LAMA3: variants seen among roughly 807,000 people sequenced by gnomAD.
LAMA3 encodes laminin subunit alpha-3.
Under a neutral mutation model 402.0 loss-of-function variants are expected in LAMA3, and 281 were observed. That is an observed-to-expected ratio of 0.70 (90% confidence interval 0.63 to 0.77). The LOEUF (loss-of-function observed/expected upper bound fraction) is 0.77, where lower values mean the gene tolerates loss of function less well. Among genes scored for constraint, LAMA3 ranks in the 30% least tolerant of loss-of-function variants. The probability of loss-of-function intolerance (pLI) is 0.00; values close to 1 mark genes in which losing one functional copy is unlikely to be tolerated. For missense variants in LAMA3, 3,840 were observed against 4,215.5 expected (o/e 0.91, Z 2.47); for synonymous variants, 1,431 against 1,558.4 (o/e 0.92, Z 1.93).
At chr18:23,815,386 A>G in intron 16 of LAMA3, 82 bp from the exon 17 acceptor site, 1 of 1,379,016 alleles carries the variant, frequency 7.3e-7, no homozygotes, top group South Asian at 1.2e-5. Flanking sequence ...TTCCTATTAT[A>G]CAGTGAGGCA....
chr18:23,891,724 A>G (rs895754873), intron 42 of LAMA3, among the ~76,000 whole-genome samples: 1 of 152,212 alleles, frequency 6.6e-6, no homozygotes, highest in African/African-American at 2.4e-5. Flanking sequence ...CAGGAGGTGT[A>G]AAAAAGCTTA....
Position 23,840,385 on chromosome 18 carries a change from T to C in LAMA3, c.3336+456T>C, listed in dbSNP as rs573115700. Among the ~76,000 whole-genome samples, 38 of 147,074 alleles carry C rather than the reference T, an allele frequency of 2.6e-4. 1 individual carries two copies. The South Asian group carries it at 3.1e-3, about 12-fold the overall frequency. Reference sequence around the variant, plus strand: ...TGTAGCCAAGAACCTTTCTTTCTTTTTTTTTTTTTTTTTTTGAGACAGATT... The same window carrying C: ...TGTAGCCAAGAACCTTTCTTTCTTTCTTTTTTTTTTTTTTTGAGACAGATT... On this transcript the variant is annotated intron_variant, in intron 27 of 74. Coordinates refer to ENST00000313654, the MANE Select transcript of LAMA3 (RefSeq NM_198129.4).
At chr18:23,798,468 C>A (rs958037506) in intron 12 of LAMA3, among the ~76,000 whole-genome samples, 2 of 152,142 alleles carry the variant, frequency 1.3e-5, no homozygotes, top group Admixed American at 6.5e-5. Context: ...GAGTCAGACA[C>A]CGGCCGGGGA....
intron 5 of LAMA3, among the ~76,000 whole-genome samples, chr18:23,753,072 A>G (rs982605744): frequency 1.3e-5 from 2 of 152,234 alleles, no homozygotes; most frequent in African/African-American, 2.4e-5. Flanking sequence ...GGCCTTGTCA[A>G]TGAGAGGGTA....
At chr18:23,948,102 G>A (rs773213726) in intron 70 of LAMA3, among the ~76,000 whole-genome samples, 22 of 152,256 alleles carry the variant, frequency 1.4e-4, no homozygotes, top group East Asian at 5.8e-4. Flanking sequence ...GTGAGCCACC[G>A]TGCCCGGCCC....
intron 1 of LAMA3, among the ~76,000 whole-genome samples, chr18:23,702,474 C>T (rs2060808332): frequency 6.6e-6 from 1 of 151,992 alleles, no homozygotes; most frequent in South Asian, 2.1e-4. Flanking sequence ...CAGGTGTGCA[C>T]CACCATGCCC....
At chr18:23,881,189 C>T (rs2064883199) in intron 39 of LAMA3, among the ~76,000 whole-genome samples, 1 of 152,168 alleles carries the variant, frequency 6.6e-6, no homozygotes, top group Non-Finnish European at 1.5e-5. Context: ...TTCATCTCAA[C>T]ACTTTACTGA....
intron 38 of LAMA3, among the ~76,000 whole-genome samples, chr18:23,872,215 CACTCTCA>C (rs1282079257): frequency 1.3e-5 from 2 of 152,154 alleles, no homozygotes; most frequent in Non-Finnish European, 2.9e-5. Context: ...TCCCTCTACC[CACTCTCA>C]ACTCCCCAGT....
At chr18:23,708,873 C>T (rs1447124068) in intron 1 of LAMA3, among the ~76,000 whole-genome samples, 1 of 151,378 alleles carries the variant, frequency 6.6e-6, no homozygotes, top group African/African-American at 2.4e-5. Flanking sequence ...GCAATCCATC[C>T]CAGTCTCCCA....
At chr18:23,875,779 G>C (rs1267636530) in intron 38 of LAMA3, among the ~76,000 whole-genome samples, 1 of 152,116 alleles carries the variant, frequency 6.6e-6, no homozygotes, top group African/African-American at 2.4e-5. Context: ...CTCTAAGGAC[G>C]AGTCTCTTTA....
intron 68 of LAMA3, among the ~76,000 whole-genome samples, chr18:23,941,324 GCGC>G (rs1368404676): frequency 0.013 from 364 of 28,182 alleles, 9 homozygotes; most frequent in Middle Eastern, 0.048. Context: ...CATCAGCTTG[GCGC>G]CCCCCCCCCG....
chr18:23,872,217 C>G (rs1208238380), intron 38 of LAMA3, among the ~76,000 whole-genome samples: 1 of 152,216 alleles, frequency 6.6e-6, no homozygotes, highest in East Asian at 1.9e-4. Flanking sequence ...CCTCTACCCA[C>G]TCTCAACTCC....
chr18:23,824,332 G>A, intron 20 of LAMA3, 91 bp from the exon 21 acceptor site: 1 of 1,346,898 alleles, frequency 7.4e-7, no homozygotes, highest in Non-Finnish European at 1.1e-6. Context: ...AACTTTTTGA[G>A]ATGTAAACTG....
chr18:23,851,456 C>G (rs1007605288), intron 32 of LAMA3, among the ~76,000 whole-genome samples: 2 of 152,220 alleles, frequency 1.3e-5, no homozygotes, highest in South Asian at 2.1e-4. Context: ...TATATTACTT[C>G]TGTCCTCTGG....
At chr18:23,731,763 A>G (rs973561323) in intron 2 of LAMA3, among the ~76,000 whole-genome samples, 3 of 132,760 alleles carry the variant, frequency 2.3e-5, no homozygotes, top group Admixed American at 1.7e-4. Flanking sequence ...ACTGGGGACT[A>G]CTAGAGGAGG....
intron 29 of LAMA3, 71 bp downstream of exon 29, chr18:23,842,821 G>T (rs975451406): frequency 3.2e-6 from 5 of 1,581,524 alleles, no homozygotes; most frequent in Non-Finnish European, 4.3e-6. Context: ...TGTCTGTTTA[G>T]CTCATGGAAA....
Position 23,784,038 on chromosome 18 carries a change from T to C in LAMA3, c.1484T>C (p.Leu495Pro). The change falls in exon 12 of 75, where the codon CTG becomes CCG. Residue 495 changes from leucine to proline, a missense_variant. Around this residue, in one of 3 missense-constraint regions of LAMA3, gnomAD observed 2,109 missense variants for 2,376.0 expected, o/e 0.89. Coordinates refer to ENST00000313654, the MANE Select transcript of LAMA3 (RefSeq NM_198129.4). ...TCTTCTGCAGGGTGTGACTGTAATC[T>C]GGAAGGTGTTCTCCCTGAAATATGT... ...AGDIKGCDCN[L>P]EGVLPEICDA... is the part of the protein sequence containing the mutation. The C allele has an allele frequency of 2.5e-6, 4 of 1,614,172 alleles. No individual in the cohort carries two copies. Among genetic ancestry groups the C allele is most frequent in the Non-Finnish European group, 3.4e-6 (4 of 1,180,018 alleles).
At chr18:23,709,086 T>C (rs2060941953) in intron 1 of LAMA3, among the ~76,000 whole-genome samples, 1 of 151,458 alleles carries the variant, frequency 6.6e-6, no homozygotes, top group Non-Finnish European at 1.5e-5. Flanking sequence ...TTTCTTTTTT[T>C]TTGAGACAGG....
chr18:23,950,238 G>A, intron 72 of LAMA3, 79 bp downstream of exon 72: 1 of 1,542,350 alleles, frequency 6.5e-7, no homozygotes, highest in African/African-American at 1.4e-5. Flanking sequence ...GGTCAGGTTT[G>A]TAGTAGAGAA....
Sources: allele counts gnomAD v4.1 joint callset (sites outside exome capture counted in the v4.1 genomes callset), GRCh38; gene constraint gnomAD v4.1.1; regional missense constraint gnomAD v4.1.1; transcripts MANE v1.5; gene names NCBI Gene and HGNC (gene_info 2026-07-23, HGNC 2026-07-21).